The following VTI1A variants were observed in gnomAD, a reference collection of about 807,000 sequenced individuals.
The protein encoded by VTI1A is vesicle transport through interaction with t-SNAREs homolog 1A.
VTI1A carries 22 observed loss-of-function variants against 34.9 expected under a neutral mutation model. The ratio of observed to expected loss-of-function variants is 0.63; its 90% CI spans 0.45 to 0.90. The LOEUF (loss-of-function observed/expected upper bound fraction) is 0.90, where lower values mean the gene tolerates loss of function less well. Among genes scored for constraint, VTI1A ranks in the 40% least tolerant of loss-of-function variants. The pLI is 0.00. For missense variants in VTI1A, 268 were observed against 275.6 expected, an observed-to-expected ratio of 0.97 and a Z score of 0.20; for synonymous variants, 87 against 97.3, an observed-to-expected ratio of 0.89 and a Z score of 0.62.
intron 5 of VTI1A, among the ~76,000 whole-genome samples, chr10:112,585,118 A>G (rs993357126): frequency 2.0e-5 from 3 of 152,228 alleles, no homozygotes; most frequent in Admixed American, 6.5e-5. Flanking sequence ...ACTGGGAACC[A>G]TCCCAGTTTT....
chr10:112,613,045 A>G (rs1845380585), intron 5 of VTI1A, among the ~76,000 whole-genome samples: 1 of 152,120 alleles, frequency 6.6e-6, no homozygotes, highest in Non-Finnish European at 1.5e-5. Flanking sequence ...AATTTTCTCA[A>G]TGTTAATACT....
intron 7 of VTI1A, among the ~76,000 whole-genome samples, chr10:112,722,190 C>A (rs1590115163): frequency 1.3e-5 from 2 of 152,232 alleles, no homozygotes; most frequent in Non-Finnish European, 1.5e-5. Context: ...AACAGCTGTT[C>A]CCATCTATGT....
At chr10:112,565,895 A>G (rs532252570) in intron 5 of VTI1A, among the ~76,000 whole-genome samples, 5 of 152,260 alleles carry the variant, frequency 3.3e-5, no homozygotes, top group East Asian at 1.9e-4. Context: ...TTTATTTACT[A>G]TTTCCCATAG....
At chr10:112,458,147 T>A (rs1847603350) in intron 1 of VTI1A, among the ~76,000 whole-genome samples, 1 of 146,832 alleles carries the variant, frequency 6.8e-6, no homozygotes, top group Admixed American at 6.7e-5. Flanking sequence ...GCTTCTTTCT[T>A]TGTTTTATTT....
At chr10:112,793,135 G>A (rs1460625258) in intron 7 of VTI1A, among the ~76,000 whole-genome samples, 5 of 152,218 alleles carry the variant, frequency 3.3e-5, no homozygotes, top group Admixed American at 3.3e-4. Flanking sequence ...ATAAAGTGCT[G>A]CGGACAGACC....
chr10:112,756,096 A>T (rs1851274062), intron 7 of VTI1A, among the ~76,000 whole-genome samples: 1 of 152,158 alleles, frequency 6.6e-6, no homozygotes, highest in Non-Finnish European at 1.5e-5. Flanking sequence ...AGGGAGAAAG[A>T]GCTGAACTAC....
chr10:112,853,929 G>T, the VTI1A span, among the ~76,000 whole-genome samples: 1 of 152,156 alleles, frequency 6.6e-6, no homozygotes, highest in East Asian at 1.9e-4. Flanking sequence ...GGGACCTGCT[G>T]CCTCCCCTGT....
chr10:112,677,465 G>C (rs544216668), intron 7 of VTI1A, among the ~76,000 whole-genome samples: 1 of 152,136 alleles, frequency 6.6e-6, no homozygotes, highest in South Asian at 2.1e-4. Context: ...TAGATTTTTT[G>C]TATCCTCCAC....
intron 4 of VTI1A, among the ~76,000 whole-genome samples, chr10:112,531,996 A>G (rs1016929758): frequency 3.3e-5 from 5 of 152,070 alleles, no homozygotes; most frequent in Admixed American, 6.5e-5. Context: ...AAAAATAAAG[A>G]AAGCTTCTTA....
intron 4 of VTI1A, chr10:112,533,655 C>A: frequency 1.6e-6 from 1 of 616,138 alleles, no homozygotes; most frequent in Non-Finnish European, 2.0e-6. Flanking sequence ...CCAGGTAAAT[C>A]TATACATAGC....
intron 3 of VTI1A, among the ~76,000 whole-genome samples, chr10:112,480,749 T>C (rs934913874): frequency 6.6e-6 from 1 of 152,112 alleles, no homozygotes; most frequent in African/African-American, 2.4e-5. Flanking sequence ...TTGCTCCAGG[T>C]GTAAAATATA....
rs780886012 is a variant in VTI1A at position 112,668,933 on chromosome 10, G to T, written c.499-4G>T. On this transcript the variant is annotated splice_polypyrimidine_tract_variant and splice_region_variant and intron_variant, in intron 6 of 7. Coordinates refer to ENST00000393077, the MANE Select transcript of VTI1A (RefSeq NM_145206.4). ...CTTCTGTTTTGTTTTGTTTCTTCTT[G>T]TAGCTTCGGGAAACAGATGCTAATT... 4.3e-6 allele frequency: 7 copies of T among 1,611,962 alleles called. No individual in the cohort carries two copies. The East Asian group carries it at 1.3e-4, about 31-fold the overall frequency.
intron 3 of VTI1A, among the ~76,000 whole-genome samples, chr10:112,467,059 C>T (rs1473777043): frequency 6.6e-6 from 1 of 152,178 alleles, no homozygotes; most frequent in Non-Finnish European, 1.5e-5. Flanking sequence ...CAGTCACATT[C>T]TCAGTATGGG....
chr10:112,838,145 G>A, the VTI1A span, among the ~76,000 whole-genome samples: 1 of 152,226 alleles, frequency 6.6e-6, no homozygotes, highest in Admixed American at 6.5e-5. Context: ...GGCCTGGGAG[G>A]AAAAGACCCC....
intron 3 of VTI1A, among the ~76,000 whole-genome samples, chr10:112,515,208 G>A (rs72821890): frequency 1.8e-4 from 27 of 152,080 alleles, no homozygotes; most frequent in Non-Finnish European, 3.5e-4. Flanking sequence ...GATTCCACAA[G>A]TCCAAGACTG....
chr10:112,658,713 T>C (rs182483192), intron 5 of VTI1A, among the ~76,000 whole-genome samples: 1 of 152,172 alleles, frequency 6.6e-6, no homozygotes, highest in Non-Finnish European at 1.5e-5. Context: ...AACTGGATAG[T>C]ACCTGGCTGT....
At chr10:112,784,299 T>C (rs1428396853) in intron 7 of VTI1A, among the ~76,000 whole-genome samples, 1 of 152,176 alleles carries the variant, frequency 6.6e-6, no homozygotes, top group Non-Finnish European at 1.5e-5. Flanking sequence ...TCCTGTTTTG[T>C]GAATGAGAAT....
rs190942940 is a variant in VTI1A, at chr10:112,572,704, G to A, written c.427+34374G>A. 1.0e-4 allele frequency among the ~76,000 whole-genome samples: 15 copies of A among 150,688 alleles called. No individual in the cohort carries two copies. In the East Asian group the frequency reaches 2.3e-3, roughly 23 times the overall value. On this transcript the variant is annotated intron_variant, in intron 5 of 7. Coordinates refer to ENST00000393077, the MANE Select transcript of VTI1A (RefSeq NM_145206.4). Reference sequence around the variant, plus strand: ...ATACAAAAAATTAGCCGGGCGCGGTGGCGGGCGCCTGTAGTCCCAGCTACT... The same window carrying A: ...ATACAAAAAATTAGCCGGGCGCGGTAGCGGGCGCCTGTAGTCCCAGCTACT...
intron 4 of VTI1A, among the ~76,000 whole-genome samples, chr10:112,532,575 T>C (rs1300139419): frequency 3.3e-5 from 5 of 152,174 alleles, no homozygotes; most frequent in African/African-American, 9.6e-5. Flanking sequence ...TATGGTTATA[T>C]ATTTTAGTTC....
Sources: allele counts gnomAD v4.1 joint callset (sites outside exome capture counted in the v4.1 genomes callset), GRCh38; gene constraint gnomAD v4.1.1; transcripts MANE v1.5; gene names NCBI Gene and HGNC (gene_info 2026-07-23, HGNC 2026-07-21).